Variants in HIPK2 observed in about 807,000 individuals in gnomAD.
The protein encoded by HIPK2 is homeodomain-interacting protein kinase 2.
Under a neutral mutation model 113.7 loss-of-function variants are expected in HIPK2, and 27 were observed. That is an observed-to-expected ratio of 0.24 (90% CI 0.17 to 0.33). The LOEUF (loss-of-function observed/expected upper bound fraction) is 0.33. HIPK2 is among the 10% of genes least tolerant of loss of function. The pLI, the probability that HIPK2 is intolerant of heterozygous loss-of-function variation, is 1.00. For synonymous variants in HIPK2, 631 were observed against 642.2 expected (o/e 0.98, Z 0.26); for missense variants, 1,257 against 1,588.0 (o/e 0.79, Z 3.54).
In HIPK2 at chr7:139,565,335, T is replaced by A. The variant is rs1248332487; in HGVS notation, c.*7592A>T. 1 of 152,146 alleles carries A rather than the reference T, an allele frequency of 6.6e-6. No homozygotes were observed. Among genetic ancestry groups the A allele is most frequent in the Non-Finnish European group, 1.5e-5 (1 of 68,024 alleles). The allele number at this position is 152,146 out of a possible 1,614,324, so 9.4% of individuals were successfully genotyped here. ...GTTCTAAAAGATTCTAGAACTTGTG[T>A]AAACTACCTAAGAATTTAGGCAAAC... On this transcript the variant is annotated 3_prime_UTR_variant, in exon 15 of 15. Coordinates refer to ENST00000406875, the MANE Select transcript of HIPK2 (RefSeq NM_022740.5).
chr7:139,695,249 G>A (rs879252905), intron 2 of HIPK2, among the ~76,000 whole-genome samples: 54,220 of 152,110 alleles, frequency 0.36, 11,048 homozygotes, highest in Admixed American at 0.48. Flanking sequence ...GGCTGCTTGC[G>A]GGCCGATTCC....
rs528867598 is a variant in HIPK2, at chr7:139,685,117, G to T, written c.1103+30815C>A. Reference sequence around the variant, plus strand: ...AGTGCCCATACAGAAGCTGCAGCAAGTTATCCAGAAGATCTGGCTAAGATC... The same window carrying T: ...AGTGCCCATACAGAAGCTGCAGCAATTTATCCAGAAGATCTGGCTAAGATC... On this transcript the variant is annotated intron_variant, in intron 2 of 14. Transcript: ENST00000406875. Among the ~76,000 whole-genome samples the T allele has an allele frequency of 3.9e-5, 6 of 152,364 alleles. No homozygotes were observed. The South Asian group carries it at 1.2e-3, about 32-fold the overall frequency.
intron 2 of HIPK2, among the ~76,000 whole-genome samples, chr7:139,713,143 G>C (rs1341374160): frequency 6.6e-6 from 1 of 152,150 alleles, no homozygotes; most frequent in Non-Finnish European, 1.5e-5. Context: ...GGGGCCAGAT[G>C]TGACTGTGCC....
intron 2 of HIPK2, among the ~76,000 whole-genome samples, chr7:139,713,783 G>A (rs1227386464): frequency 6.6e-6 from 1 of 152,198 alleles, no homozygotes; most frequent in African/African-American, 2.4e-5. Context: ...TAAATACGAA[G>A]TGGCACAGCA....
chr7:139,648,787 G>A (rs1314290086), intron 2 of HIPK2, among the ~76,000 whole-genome samples: 4 of 151,646 alleles, frequency 2.6e-5, no homozygotes, highest in African/African-American at 9.7e-5. Context: ...AGGGTGCTGC[G>A]GGTTTTTTTT....
chr7:139,611,217 C>A (rs1799806080), intron 9 of HIPK2, among the ~76,000 whole-genome samples: 1 of 152,146 alleles, frequency 6.6e-6, no homozygotes, highest in Admixed American at 6.5e-5. Flanking sequence ...CCTGGTGTAA[C>A]CTTGTACTCA....
intron 1 of HIPK2, among the ~76,000 whole-genome samples, chr7:139,769,111 A>G (rs1411996881): frequency 6.6e-6 from 1 of 152,222 alleles, no homozygotes; most frequent in Non-Finnish European, 1.5e-5. Flanking sequence ...CTGATCCTAG[A>G]TCACTGCCAT....
At chr7:139,743,376 T>C (rs530835359) in intron 1 of HIPK2, among the ~76,000 whole-genome samples, 1 of 152,282 alleles carries the variant, frequency 6.6e-6, no homozygotes, top group African/African-American at 2.4e-5. Context: ...AACAGACACA[T>C]GATTTTCCTT....
chr7:139,587,730 TA>T (rs1294011805), intron 12 of HIPK2, among the ~76,000 whole-genome samples: 1 of 151,788 alleles, frequency 6.6e-6, no homozygotes, highest in East Asian at 1.9e-4. Context: ...ATAAAAACAT[TA>T]GCTAGGCATG....
intron 1 of HIPK2, among the ~76,000 whole-genome samples, chr7:139,772,821 C>G (rs1468608537): frequency 6.6e-6 from 1 of 150,860 alleles, no homozygotes; most frequent in Non-Finnish European, 1.5e-5. Context: ...GTCTCGAACT[C>G]CTGATCCACC....
chr7:139,773,042 C>T (rs1226151753), intron 1 of HIPK2, among the ~76,000 whole-genome samples: 2 of 151,978 alleles, frequency 1.3e-5, no homozygotes, highest in Non-Finnish European at 2.9e-5. Context: ...AAGTCAGGGA[C>T]AGGGATTAAG....
chr7:139,685,060 T>A (rs1223624412), intron 2 of HIPK2, among the ~76,000 whole-genome samples: 1 of 152,202 alleles, frequency 6.6e-6, no homozygotes, highest in African/African-American at 2.4e-5. Context: ...ATAAGCCATC[T>A]CCATAACATA....
At chr7:139,645,216 A>C (rs1169526072) in intron 2 of HIPK2, among the ~76,000 whole-genome samples, 1 of 152,194 alleles carries the variant, frequency 6.6e-6, no homozygotes, top group African/African-American at 2.4e-5. Flanking sequence ...CTTTCCTTAC[A>C]GCACCATCTG....
chr7:139,728,569 G>A (rs1795660987), intron 1 of HIPK2, among the ~76,000 whole-genome samples: 1 of 152,136 alleles, frequency 6.6e-6, no homozygotes, highest in Admixed American at 6.5e-5. Flanking sequence ...TATTGGGTTA[G>A]GGCCCACCCT....
In HIPK2 at chr7:139,568,211, G is replaced by A. The variant is rs1798152642; in HGVS notation, c.*4716C>T. ...GGCGGGCTGAGTCTTCTAGGTTGAAGAGGACAAAGGTCAGCTGGCTCCCCC... is the reference window on the plus strand; with the variant it reads ...GGCGGGCTGAGTCTTCTAGGTTGAAAAGGACAAAGGTCAGCTGGCTCCCCC... On this transcript the variant is annotated 3_prime_UTR_variant, in exon 15 of 15. Transcript: ENST00000406875. The A allele has an allele frequency of 6.6e-6, 1 of 152,260 alleles. No homozygotes were observed. Among genetic ancestry groups the A allele is most frequent in the African/African-American group, 2.4e-5 (1 of 41,446 alleles). 9.4% of individuals were successfully genotyped at this position (152,260 alleles called of 1,614,324 possible).
At position 139,630,802 on chromosome 7, in the gene HIPK2, C is replaced by T. The variant is rs1191588737; in HGVS notation, c.1347+363G>A. ...ACCCACACCCATTCTTGACCAGGAA[C>T]AGGGCCCTTACTACAGTGGGCGGGA... On this transcript the variant is annotated intron_variant, in intron 4 of 14. Coordinates refer to ENST00000406875, the MANE Select transcript of HIPK2 (RefSeq NM_022740.5). This position sits in a 1 kb window ranked among gnomAD's most constrained non-coding sequence, Gnocchi z 4.0. Among the ~76,000 whole-genome samples, 1 of 152,234 alleles carries T rather than the reference C, an allele frequency of 6.6e-6. No homozygotes were observed. The highest frequency in any genetic ancestry group is 2.4e-5 in the African/African-American group (1 of 41,456).
At chr7:139,677,680 C>G (rs1240604764) in intron 2 of HIPK2, among the ~76,000 whole-genome samples, 1 of 152,154 alleles carries the variant, frequency 6.6e-6, no homozygotes, top group Non-Finnish European at 1.5e-5. Context: ...CACCCATCAA[C>G]CAGTTATCTA....
At chr7:139,670,597 A>C (rs1008526322) in intron 2 of HIPK2, among the ~76,000 whole-genome samples, 7 of 151,504 alleles carry the variant, frequency 4.6e-5, no homozygotes, top group Non-Finnish European at 8.8e-5. Context: ...AAAAAAGAAC[A>C]AAAAAAGTGA....
intron 2 of HIPK2, among the ~76,000 whole-genome samples, chr7:139,649,278 G>T (rs1418240092): frequency 6.6e-6 from 1 of 152,170 alleles, no homozygotes; most frequent in Non-Finnish European, 1.5e-5. Context: ...GGCCGATGCA[G>T]CACCCCTTCC....
Sources: gnomAD v4.1 joint callset for allele counts (sites outside exome capture counted in the v4.1 genomes callset) on GRCh38, gnomAD v4.1.1 for gene constraint, Gnocchi (gnomAD v3.1) non-coding constraint, MANE v1.5 for transcripts, NCBI Gene and HGNC (gene_info 2026-07-23, HGNC 2026-07-21) for gene names.